The following EDARADD variants were observed in gnomAD, a reference collection of about 807,000 sequenced individuals.
EDARADD encodes ectodysplasin-A receptor-associated adapter protein.
Under a neutral mutation model 25.6 loss-of-function variants are expected in EDARADD, and 20 were observed. The ratio of observed to expected loss-of-function variants is 0.78; its 90% CI spans 0.55 to 1.14. The LOEUF (loss-of-function observed/expected upper bound fraction) is 1.14, where lower values mean the gene tolerates loss of function less well. Ranked by LOEUF, EDARADD falls within the 50% of genes most tolerant of loss-of-function variation. The pLI, the probability that EDARADD is intolerant of heterozygous loss-of-function variation, is 0.00. For synonymous variants in EDARADD, 86 were observed against 94.4 expected (o/e 0.91, Z 0.52); for missense variants, 225 against 270.1 (o/e 0.83, Z 1.17).
At chr1:236,369,969 G>C (rs1414881114) in intron 3 of EDARADD, among the ~76,000 whole-genome samples, 1 of 152,182 alleles carries the variant, frequency 6.6e-6, no homozygotes, top group Non-Finnish European at 1.5e-5. Context: ...TGGGTCTAAG[G>C]GATAAGGTTG....
At chr1:236,412,697 A>G (rs1477149286) in intron 2 of EDARADD, among the ~76,000 whole-genome samples, 1 of 152,122 alleles carries the variant, frequency 6.6e-6, no homozygotes, top group Non-Finnish European at 1.5e-5. Context: ...GGCTAGCTCC[A>G]GCATCGTCTT....
intron 3 of EDARADD, among the ~76,000 whole-genome samples, chr1:236,362,610 C>G (rs1028615841): frequency 4.6e-5 from 7 of 152,024 alleles, no homozygotes; most frequent in African/African-American, 1.7e-4. Context: ...GGTGTTGTAC[C>G]TAAGAAATGC....
At chr1:236,464,423 C>CT (rs35064410) in intron 4 of EDARADD, among the ~76,000 whole-genome samples, 2,770 of 72,910 alleles carry the variant, frequency 0.038, 269 homozygotes, top group East Asian at 0.2. Context: ...CTTGCTGCAA[C>CT]TTTTTTTTTT....
chr1:236,477,944 A>G (rs1388865753), intron 5 of EDARADD, among the ~76,000 whole-genome samples: 1 of 152,022 alleles, frequency 6.6e-6, no homozygotes, highest in African/African-American at 2.4e-5. Context: ...CTCTACTAAA[A>G]ATATAAAAAT....
At chr1:236,434,482 C>T (rs577730555) in intron 4 of EDARADD, among the ~76,000 whole-genome samples, 1 of 152,176 alleles carries the variant, frequency 6.6e-6, no homozygotes, top group East Asian at 1.9e-4. Context: ...TCAAGCGATC[C>T]ACCCGCCTCA....
intron 3 of EDARADD, among the ~76,000 whole-genome samples, chr1:236,378,643 T>G (rs1383796548): frequency 6.6e-6 from 1 of 152,188 alleles, no homozygotes; most frequent in Non-Finnish European, 1.5e-5. Flanking sequence ...CTGGCCATTA[T>G]AAAGTTTTAA....
At chr1:236,350,405 G>T (rs1477397023) in intron 2 of EDARADD, among the ~76,000 whole-genome samples, 1 of 152,146 alleles carries the variant, frequency 6.6e-6, no homozygotes, top group Non-Finnish European at 1.5e-5. Flanking sequence ...TAGTCCTCAG[G>T]TGTGTGCCAC....
At chr1:236,435,148 A>G (rs1658206381) in intron 4 of EDARADD, among the ~76,000 whole-genome samples, 1 of 152,188 alleles carries the variant, frequency 6.6e-6, no homozygotes, top group Non-Finnish European at 1.5e-5. Flanking sequence ...ACTGTCAAGG[A>G]AAATCGTCCT....
Position 236,482,587 on chromosome 1 carries a change from C to T in EDARADD, c.586C>T (p.Arg196Cys), listed in dbSNP as rs763414523. Residue 196 changes from arginine to cysteine, a missense_variant, in exon 6 of 6, where the codon CGC becomes TGC. Arg to Cys is a radical substitution (Grantham distance 180). Transcript: ENST00000334232. Reference protein sequence around the residue: ...YHRADVEKVLRRWVDEEWPKR... With the variant: ...YHRADVEKVLCRWVDEEWPKR... Reference sequence around the variant, plus strand: ...CAGGGCCGACGTGGAGAAGGTTCTGCGCAGGTGGGTGGACGAGGAGTGGCC... The same window carrying T: ...CAGGGCCGACGTGGAGAAGGTTCTGTGCAGGTGGGTGGACGAGGAGTGGCC... 17 of 1,612,978 alleles carry T rather than the reference C, an allele frequency of 1.1e-5. No homozygotes were observed. The highest frequency in any genetic ancestry group is 2.2e-5 in the South Asian group (2 of 91,040).
chr1:236,446,831 G>A (rs1412433450), intron 4 of EDARADD, among the ~76,000 whole-genome samples: 1 of 152,238 alleles, frequency 6.6e-6, no homozygotes, highest in Admixed American at 6.5e-5. Context: ...CAGAGAGGCT[G>A]TCCTGGTCCT....
At chr1:236,427,837 T>A (rs1657966148) in intron 4 of EDARADD, among the ~76,000 whole-genome samples, 2 of 152,148 alleles carry the variant, frequency 1.3e-5, no homozygotes, top group Non-Finnish European at 2.9e-5. Flanking sequence ...TTAATTTTTT[T>A]AGATATCAGA....
At chr1:236,370,897 A>G (rs1018355471) in intron 3 of EDARADD, among the ~76,000 whole-genome samples, 1 of 152,256 alleles carries the variant, frequency 6.6e-6, no homozygotes, top group Non-Finnish European at 1.5e-5. Context: ...TTTAAACTGT[A>G]AACTATAAAC....
At chr1:236,411,048 C>G (rs78075786) in intron 2 of EDARADD, among the ~76,000 whole-genome samples, 15,558 of 152,166 alleles carry the variant, frequency 0.1, 989 homozygotes, top group South Asian at 0.17. Flanking sequence ...TCCCACTGCC[C>G]CCACCTGTGA....
intron 3 of EDARADD, among the ~76,000 whole-genome samples, chr1:236,385,517 G>T (rs1558106120): frequency 6.6e-6 from 1 of 150,762 alleles, no homozygotes; most frequent in Non-Finnish European, 1.5e-5. Flanking sequence ...TGAGGTAAAG[G>T]GTTCCAGACC....
chr1:236,458,641 C>CTTTTTTTTTTTTT (rs5781887), intron 4 of EDARADD, among the ~76,000 whole-genome samples: 2 of 113,538 alleles, frequency 1.8e-5, no homozygotes, highest in East Asian at 2.3e-4. Context: ...TTTTCTTTTT[C>CTTTTTTTTTTTTT]TTTTTTTTTT....
In EDARADD at chr1:236,443,824, G is replaced by T. The variant is rs567345577; in HGVS notation, c.219+16374G>T. On this transcript the variant is annotated intron_variant, in intron 4 of 5. Coordinates refer to ENST00000334232, the MANE Select transcript of EDARADD (RefSeq NM_145861.4). ...TAAATAATGCACGAAGCAGGGGCAGGGCTTGAGAGAATTGACTTCAATTTG... is the reference window on the plus strand; with the variant it reads ...TAAATAATGCACGAAGCAGGGGCAGTGCTTGAGAGAATTGACTTCAATTTG... Among the ~76,000 whole-genome samples the T allele has an allele frequency of 5.3e-5, 8 of 152,254 alleles. No homozygotes were observed. In the South Asian group the frequency reaches 1.7e-3, roughly 32 times the overall value.
chr1:236,417,580 G>A (rs1657672052), intron 3 of EDARADD, among the ~76,000 whole-genome samples: 1 of 152,058 alleles, frequency 6.6e-6, no homozygotes, highest in Non-Finnish European at 1.5e-5. Context: ...CAGTTTTTGG[G>A]GGTTCATTTG....
intron 3 of EDARADD, among the ~76,000 whole-genome samples, chr1:236,359,936 T>C (rs1172745443): frequency 1.3e-5 from 2 of 152,212 alleles, no homozygotes; most frequent in African/African-American, 4.8e-5. Flanking sequence ...TATTTTGTTA[T>C]AGCAACACAA....
chr1:236,463,291 C>T lies in EDARADD; in HGVS notation c.220-4940C>T, dbSNP rs568688368. 3.9e-5 allele frequency among the ~76,000 whole-genome samples: 6 copies of T among 152,298 alleles called. No homozygotes were observed. The South Asian group carries it at 1.2e-3, about 32-fold the overall frequency. On this transcript the variant is annotated intron_variant, in intron 4 of 5. Transcript: ENST00000334232. The stretch of plus-strand genomic sequence containing the variant: ...CATTTTTTTATTGTGGTAAAATACA[C>T]ATAACATAAAAGTTACGATTTTAAC...
Sources: allele counts gnomAD v4.1 joint callset (sites outside exome capture counted in the v4.1 genomes callset), GRCh38; gene constraint gnomAD v4.1.1; transcripts MANE v1.5; gene names NCBI Gene and HGNC (gene_info 2026-07-23, HGNC 2026-07-21).